MAGI2: variants seen among roughly 807,000 people sequenced by gnomAD.
The protein encoded by MAGI2 is membrane associated guanylate kinase, WW and PDZ domain containing 2.
In MAGI2, 35 loss-of-function variants were observed where a neutral mutation model predicts 133.3. The ratio of observed to expected loss-of-function variants is 0.26; its 90% CI spans 0.20 to 0.35. The LOEUF (loss-of-function observed/expected upper bound fraction) is 0.35. Among genes scored for constraint, MAGI2 ranks in the 10% least tolerant of loss-of-function variants. MAGI2 has a pLI of 1.00. For missense variants in MAGI2, 1,636 were observed against 1,863.4 expected (o/e 0.88, Z 2.25); for synonymous variants, 729 against 710.6 (o/e 1.03, Z -0.41).
At chr7:78,164,546 A>G (rs183707863) in intron 15 of MAGI2, among the ~76,000 whole-genome samples, 2 of 152,372 alleles carry the variant, frequency 1.3e-5, no homozygotes, top group East Asian at 3.9e-4. Flanking sequence ...ACATGGTTGC[A>G]GACAAACAAC....
At chr7:79,250,415 G>C (rs1313994393) in intron 1 of MAGI2, among the ~76,000 whole-genome samples, 5 of 146,836 alleles carry the variant, frequency 3.4e-5, no homozygotes, top group Non-Finnish European at 3.0e-5. Context: ...GGATACAAAA[G>C]CAATACACAA....
At chr7:79,218,758 A>G (rs1222581308) in intron 1 of MAGI2, among the ~76,000 whole-genome samples, 1 of 152,154 alleles carries the variant, frequency 6.6e-6, no homozygotes, top group East Asian at 1.9e-4. Context: ...GACCCAATGT[A>G]ACATATTTAT....
At chr7:78,942,506 G>T (rs535408245) in intron 2 of MAGI2, among the ~76,000 whole-genome samples, 1 of 152,038 alleles carries the variant, frequency 6.6e-6, no homozygotes, top group Non-Finnish European at 1.5e-5. Context: ...AACTACAGCT[G>T]CTCCCTTCAA....
At chr7:78,554,951 G>T (rs984417593) in intron 3 of MAGI2, among the ~76,000 whole-genome samples, 11 of 151,918 alleles carry the variant, frequency 7.2e-5, no homozygotes, top group Admixed American at 5.2e-4. Flanking sequence ...TTAGAGACCA[G>T]CCTGGGCAAG....
chr7:78,128,336 A>G (rs1214312584), intron 18 of MAGI2, among the ~76,000 whole-genome samples: 1 of 152,190 alleles, frequency 6.6e-6, no homozygotes, highest in Non-Finnish European at 1.5e-5. Context: ...TCACCATGGT[A>G]TGGAGGCCAT....
rs1455377261 is a variant in MAGI2 at position 78,633,762 on chromosome 7, T to C, written c.419-6523A>G. On this transcript the variant is annotated intron_variant, in intron 2 of 21. Transcript: ENST00000354212. ...GCTGTGGTGTGATAAAATGGTGCGA[T>C]AAAAAGGTTCTTAGATTAAAAATTG... is the stretch of plus-strand genomic sequence containing the variant. Among the ~76,000 whole-genome samples, 6 of 150,744 alleles carry C rather than the reference T, an allele frequency of 4.0e-5. No individual in the cohort carries two copies. The East Asian group carries it at 1.2e-3, about 29-fold the overall frequency.
intron 1 of MAGI2, among the ~76,000 whole-genome samples, chr7:79,013,490 A>C (rs920204187): frequency 1.5e-4 from 23 of 152,330 alleles, no homozygotes; most frequent in African/African-American, 5.0e-4. Context: ...GTTGAGGAAT[A>C]GACAGGAAAG....
At chr7:78,902,935 T>C (rs910944643) in intron 2 of MAGI2, among the ~76,000 whole-genome samples, 1 of 152,126 alleles carries the variant, frequency 6.6e-6, no homozygotes, top group South Asian at 2.1e-4. Context: ...AGAGCAGTTC[T>C]AGCACACAGC....
chr7:78,160,401 C>A, intron 15 of MAGI2, 128 bp from the exon 16 acceptor site: 1 of 1,029,092 alleles, frequency 9.7e-7, no homozygotes, highest in East Asian at 2.9e-5. Context: ...TCTCTTTCTC[C>A]CAGATTTGCA....
chr7:78,380,522 C>A lies in MAGI2; in HGVS notation c.1046-11309G>T, dbSNP rs566539033. Among the ~76,000 whole-genome samples, 11 of 152,082 alleles carry A rather than the reference C, an allele frequency of 7.2e-5. No individual in the cohort carries two copies. The South Asian group carries it at 2.1e-3, about 29-fold the overall frequency. ...AAAGACAAATGTCACATGTTCTCAC[C>A]CAGCTGTGGGAGCTAAAACTTGAAA... On this transcript the variant is annotated intron_variant, in intron 6 of 21. Transcript: ENST00000354212.
At chr7:79,382,573 C>A (rs748428148) in intron 1 of MAGI2, among the ~76,000 whole-genome samples, 1 of 151,544 alleles carries the variant, frequency 6.6e-6, no homozygotes, top group Non-Finnish European at 1.5e-5. Flanking sequence ...TGTGCCTCAG[C>A]TTCCCATTTG....
intron 10 of MAGI2, among the ~76,000 whole-genome samples, chr7:78,209,043 A>G (rs1174449058): frequency 6.8e-6 from 1 of 147,486 alleles, no homozygotes; most frequent in African/African-American, 2.5e-5. Context: ...TAACACGGTG[A>G]AACCCTGTCT....
At position 78,458,222 on chromosome 7, in the gene MAGI2, G is replaced by A. The variant is rs544407612; in HGVS notation, c.1045+31539C>T. Among the ~76,000 whole-genome samples, 183 of 150,056 alleles carry A rather than the reference G, an allele frequency of 1.2e-3. 1 individual carries two copies. In the Middle Eastern group the frequency reaches 0.025, roughly 20 times the overall value. ...GAGGCAGGAGAATCACTTGAACTAG[G>A]CAGTCGGAGGTTGCAGTGAGCTGAG... On this transcript the variant is annotated intron_variant, in intron 6 of 21. Coordinates refer to ENST00000354212, the MANE Select transcript of MAGI2 (RefSeq NM_012301.4).
At chr7:78,034,447 G>C (rs1015241874) in intron 21 of MAGI2, among the ~76,000 whole-genome samples, 1 of 152,064 alleles carries the variant, frequency 6.6e-6, no homozygotes, top group African/African-American at 2.4e-5. Flanking sequence ...TCTTTCAAGT[G>C]GTCCCTTCCC....
chr7:79,436,669 T>A (rs1848167666), intron 1 of MAGI2, among the ~76,000 whole-genome samples: 1 of 152,162 alleles, frequency 6.6e-6, no homozygotes, highest in Non-Finnish European at 1.5e-5. Flanking sequence ...CCAGAAAGAA[T>A]GGTTACTATT....
intron 1 of MAGI2, among the ~76,000 whole-genome samples, chr7:79,272,537 C>G (rs990326744): frequency 2.0e-4 from 30 of 152,130 alleles, no homozygotes; most frequent in African/African-American, 6.7e-4. Flanking sequence ...GAACTTGTAT[C>G]CATTTAATAT....
chr7:79,192,726 A>G (rs1827780558), intron 1 of MAGI2, among the ~76,000 whole-genome samples: 2 of 151,854 alleles, frequency 1.3e-5, no homozygotes, highest in Admixed American at 1.3e-4. Flanking sequence ...AGAGAGATAC[A>G]AAGAGGACAA....
At chr7:79,213,935 T>C (rs977346917) in intron 1 of MAGI2, among the ~76,000 whole-genome samples, 2 of 152,000 alleles carry the variant, frequency 1.3e-5, no homozygotes, top group Admixed American at 6.6e-5. Flanking sequence ...ACAAGGACTA[T>C]CACGGAAAAT....
rs145807519 is a variant in MAGI2 at position 78,794,918 on chromosome 7, C to T, written c.419-167679G>A. ...ATGAAAAAAAAATTGATTTTACAGA[C>T]GAGGTCTCACTATGTTTGCCAGGCT... On this transcript the variant is annotated intron_variant, in intron 2 of 21. Coordinates refer to ENST00000354212, the MANE Select transcript of MAGI2 (RefSeq NM_012301.4). Among the ~76,000 whole-genome samples the T allele has an allele frequency of 1.3e-3, 192 of 152,148 alleles. 1 individual carries two copies. Among genetic ancestry groups the T allele is most frequent in the African/African-American group, 4.0e-3 (167 of 41,526 alleles).
Sources: gnomAD v4.1 joint callset for allele counts (sites outside exome capture counted in the v4.1 genomes callset) on GRCh38, gnomAD v4.1.1 for gene constraint, MANE v1.5 for transcripts, NCBI Gene and HGNC (gene_info 2026-07-23, HGNC 2026-07-21) for gene names.